Variants in PTPRG observed in about 807,000 individuals in gnomAD.
PTPRG encodes receptor-type tyrosine-protein phosphatase gamma.
PTPRG carries 102 observed loss-of-function variants against 165.3 expected under a neutral mutation model. The observed-to-expected ratio is 0.62, with a 90% CI of 0.53 to 0.73. The LOEUF (loss-of-function observed/expected upper bound fraction) is 0.73. PTPRG is among the 30% of genes least tolerant of loss of function. PTPRG has a pLI of 0.00. For missense variants in PTPRG, 1,866 were observed against 1,861.4 expected, an observed-to-expected ratio of 1.00 and a Z score of -0.05; for synonymous variants, 675 against 669.5, an observed-to-expected ratio of 1.01 and a Z score of -0.13.
intron 1 of PTPRG, among the ~76,000 whole-genome samples, chr3:61,625,944 C>T (rs1272508098): frequency 1.3e-5 from 2 of 152,158 alleles, no homozygotes; most frequent in African/African-American, 2.4e-5. Flanking sequence ...AGACCATTAC[C>T]TCCTGAGCAA....
intron 2 of PTPRG, among the ~76,000 whole-genome samples, chr3:61,985,751 T>C (rs1293336206): frequency 6.6e-6 from 1 of 152,178 alleles, no homozygotes; most frequent in Admixed American, 6.5e-5. Flanking sequence ...AGAGGTCTGT[T>C]AAAGCATAGA....
chr3:61,790,911 G>GA (rs1314504284), intron 2 of PTPRG, among the ~76,000 whole-genome samples: 3 of 152,082 alleles, frequency 2.0e-5, no homozygotes, highest in Admixed American at 2.0e-4. Flanking sequence ...TAAGATTAAA[G>GA]TATATATAAA....
intron 2 of PTPRG, among the ~76,000 whole-genome samples, chr3:61,843,964 C>CT (rs11310810): frequency 1.4e-3 from 176 of 122,070 alleles, no homozygotes; most frequent in East Asian, 4.0e-3. Context: ...TTTTACAACT[C>CT]TTTTTTTTTT....
At chr3:61,807,524 A>G (rs1056186391) in intron 2 of PTPRG, among the ~76,000 whole-genome samples, 2 of 152,178 alleles carry the variant, frequency 1.3e-5, no homozygotes, top group African/African-American at 4.8e-5. Flanking sequence ...CAATTTGGTG[A>G]CAGAGGTCTT....
Position 62,132,706 on chromosome 3 carries a change from G to A in PTPRG, c.682+38G>A, listed in dbSNP as rs1193438905. 3 of 1,511,910 alleles carry A rather than the reference G, an allele frequency of 2.0e-6. No individual in the cohort carries two copies. In the Admixed American group the frequency reaches 5.0e-5, roughly 25 times the overall value. 93.7% of individuals were successfully genotyped at this position (1,511,910 alleles called of 1,614,324 possible). ...CATACACTTCCTTTTGCTGGGATGT[G>A]AAGGGCTCAGATCTCTACCTAAAAG... On this transcript the variant is annotated intron_variant, in intron 6 of 29. Coordinates refer to ENST00000474889, the MANE Select transcript of PTPRG (RefSeq NM_002841.4).
intron 1 of PTPRG, among the ~76,000 whole-genome samples, chr3:61,641,798 G>A (rs953887301): frequency 1.3e-5 from 2 of 152,306 alleles, no homozygotes; most frequent in Non-Finnish European, 2.9e-5. Context: ...TCATTTCAGT[G>A]CCTTTTAGAA....
At chr3:62,050,498 T>G (rs536277474) in intron 4 of PTPRG, among the ~76,000 whole-genome samples, 14 of 152,354 alleles carry the variant, frequency 9.2e-5, no homozygotes, top group African/African-American at 3.4e-4. Context: ...TCAGAACATA[T>G]CCCTGTTGTT....
At chr3:62,176,129 G>T (rs943297360) in intron 8 of PTPRG, among the ~76,000 whole-genome samples, 12 of 152,190 alleles carry the variant, frequency 7.9e-5, no homozygotes, top group African/African-American at 2.7e-4. Flanking sequence ...ACTGGAGTCT[G>T]CAGGACCCTG....
At chr3:62,141,755 A>C (rs1228224423) in intron 6 of PTPRG, among the ~76,000 whole-genome samples, 1 of 151,620 alleles carries the variant, frequency 6.6e-6, no homozygotes, top group Non-Finnish European at 1.5e-5. Context: ...AAAAAAATAC[A>C]AAAATTAGCT....
At chr3:62,192,463 C>T (rs1308936731) in intron 9 of PTPRG, among the ~76,000 whole-genome samples, 5 of 124,864 alleles carry the variant, frequency 4.0e-5, no homozygotes, top group East Asian at 5.4e-4. Context: ...GGCTGGAGTG[C>T]AGTGGCGCAA....
intron 5 of PTPRG, among the ~76,000 whole-genome samples, chr3:62,093,218 G>T (rs922201913): frequency 2.0e-5 from 3 of 152,118 alleles, no homozygotes; most frequent in Non-Finnish European, 2.9e-5. Context: ...CCTCCATCCC[G>T]GCTCCTATCA....
intron 1 of PTPRG, among the ~76,000 whole-genome samples, chr3:61,608,072 T>C (rs1701063051): frequency 6.6e-6 from 1 of 152,216 alleles, no homozygotes; most frequent in Admixed American, 6.5e-5. Flanking sequence ...GTCTTTTGGC[T>C]AGACTTGTCC....
intron 1 of PTPRG, 82 bp downstream of exon 1, chr3:61,562,454 G>C: frequency 1.4e-6 from 2 of 1,391,192 alleles, no homozygotes; most frequent in South Asian, 1.2e-5. Flanking sequence ...GCGGAGCTCC[G>C]GCGCCCGTCC....
At chr3:61,689,954 A>G (rs1036544346) in intron 1 of PTPRG, among the ~76,000 whole-genome samples, 1 of 152,198 alleles carries the variant, frequency 6.6e-6, no homozygotes, top group Non-Finnish European at 1.5e-5. Flanking sequence ...TGGGGTTAGA[A>G]ATAGTGTTCC....
intron 10 of PTPRG, among the ~76,000 whole-genome samples, chr3:62,197,484 A>G (rs769442494): frequency 1.2e-4 from 18 of 152,288 alleles, no homozygotes; most frequent in Non-Finnish European, 1.5e-4. Context: ...TTTTCCATAA[A>G]TAAATCATGC....
intron 6 of PTPRG, among the ~76,000 whole-genome samples, chr3:62,149,862 T>C (rs182521873): frequency 0.019 from 2,843 of 152,160 alleles, 56 homozygotes; most frequent in South Asian, 0.045. Flanking sequence ...GCTGATTTTT[T>C]CCCCCCCTCA....
chr3:61,796,775 C>G (rs557904052), intron 2 of PTPRG, among the ~76,000 whole-genome samples: 2 of 152,236 alleles, frequency 1.3e-5, no homozygotes, highest in African/African-American at 4.8e-5. Flanking sequence ...TTGCTGTTAA[C>G]TTTATTGTTT....
intron 4 of PTPRG, among the ~76,000 whole-genome samples, chr3:62,037,562 A>G (rs997649449): frequency 3.9e-5 from 6 of 152,222 alleles, no homozygotes; most frequent in African/African-American, 1.4e-4. Flanking sequence ...CCAGATGTTC[A>G]GGTTACATGG....
intron 1 of PTPRG, among the ~76,000 whole-genome samples, chr3:61,687,910 C>T (rs1703687232): frequency 6.6e-6 from 1 of 152,208 alleles, no homozygotes; most frequent in Non-Finnish European, 1.5e-5. Flanking sequence ...AATTTAATCA[C>T]ATGCCATTAT....
Sources: gnomAD v4.1 joint callset for allele counts (sites outside exome capture counted in the v4.1 genomes callset) on GRCh38, gnomAD v4.1.1 for gene constraint, MANE v1.5 for transcripts, NCBI Gene and HGNC (gene_info 2026-07-23, HGNC 2026-07-21) for gene names.